Variants in NPAT observed in about 807,000 individuals in gnomAD.
NPAT encodes the protein protein NPAT.
NPAT carries 52 observed loss-of-function variants against 130.7 expected under a neutral mutation model. That is an observed-to-expected ratio of 0.40 (90% CI 0.32 to 0.50). NPAT has a LOEUF of 0.50. NPAT is among the 20% of genes least tolerant of loss of function. The pLI, the probability that NPAT is intolerant of heterozygous loss-of-function variation, is 0.68. For synonymous variants in NPAT, 580 were observed against 584.8 expected (o/e 0.99, Z 0.12); for missense variants, 1,687 against 1,662.6 (o/e 1.01, Z -0.26).
chr11:108,208,938 A>C (rs1273470661), intron 1 of NPAT, among the ~76,000 whole-genome samples: 1 of 152,242 alleles, frequency 6.6e-6, no homozygotes, highest in African/African-American at 2.4e-5. Flanking sequence ...TATGAGATGC[A>C]ACTAAAGCAG....
intron 1 of NPAT, among the ~76,000 whole-genome samples, chr11:108,219,802 G>A (rs2078467108): frequency 6.6e-6 from 1 of 152,144 alleles, no homozygotes; most frequent in Non-Finnish European, 1.5e-5. Context: ...ATTTTTAAGT[G>A]TTGAATTTTG....
rs1414685157 is a variant in NPAT, at chr11:108,173,102, A to T, written c.1882T>A (p.Ser628Thr). The T allele has an allele frequency of 6.2e-7, 1 of 1,614,090 alleles. No individual in the cohort carries two copies. The highest frequency in any genetic ancestry group is 1.7e-5 in the Admixed American group (1 of 60,030). Residue 628 changes from serine (S) to threonine (T), a missense_variant, in exon 13 of 18, where the codon TCG (serine) becomes ACG (threonine). Coordinates refer to ENST00000278612, the MANE Select transcript of NPAT (RefSeq NM_002519.3). Reference protein sequence around the residue: ...SGQVEIHLGDSLSSTKQPSND... With the variant: ...SGQVEIHLGDTLSSTKQPSND... Reference sequence around the variant, plus strand: ...GATGGTTGTTTAGTAGAAGACAGCGAATCTCCAAGATGAATTTCTACTTGT... The same window carrying T: ...GATGGTTGTTTAGTAGAAGACAGCGTATCTCCAAGATGAATTTCTACTTGT...
intron 12 of NPAT, among the ~76,000 whole-genome samples, chr11:108,175,977 A>C (rs1178880502): frequency 6.6e-6 from 1 of 152,178 alleles, no homozygotes; most frequent in Non-Finnish European, 1.5e-5. Context: ...GTGCCACTGC[A>C]CTCCAGCCTG....
chr11:108,174,718 G>A (rs2077988178), intron 12 of NPAT, among the ~76,000 whole-genome samples: 1 of 151,038 alleles, frequency 6.6e-6, no homozygotes, highest in South Asian at 2.1e-4. Context: ...GGGTTCATGT[G>A]ATTCTCCTGC....
At chr11:108,220,704 A>C (rs2078477464) in intron 1 of NPAT, among the ~76,000 whole-genome samples, 1 of 152,358 alleles carries the variant, frequency 6.6e-6, no homozygotes, top group African/African-American at 2.4e-5. Context: ...CGACAAAAGT[A>C]AGAGCATTAG....
chr11:108,205,073 TACAAAG>T (rs1396735256), intron 1 of NPAT, among the ~76,000 whole-genome samples: 2 of 152,104 alleles, frequency 1.3e-5, no homozygotes, highest in South Asian at 2.1e-4. Context: ...AAACTGAAAA[TACAAAG>T]ACAAACAAAA....
chr11:108,159,472 T>C (rs1383113219), intron 17 of NPAT, among the ~76,000 whole-genome samples: 1 of 152,116 alleles, frequency 6.6e-6, no homozygotes, highest in Non-Finnish European at 1.5e-5. Context: ...AGGCTGAGAC[T>C]CAGAAAGGCT....
intron 1 of NPAT, among the ~76,000 whole-genome samples, chr11:108,201,551 A>AC (rs1222651132): frequency 7.2e-5 from 11 of 152,170 alleles, no homozygotes; most frequent in Non-Finnish European, 1.3e-4. Context: ...CAGCCCAGAA[A>AC]CCTGTAGGTT....
intron 15 of NPAT, among the ~76,000 whole-genome samples, 189 bp downstream of exon 15, chr11:108,169,555 A>G (rs1391625419): frequency 1.3e-5 from 2 of 152,232 alleles, no homozygotes; most frequent in African/African-American, 4.8e-5. Flanking sequence ...TCAACAAAGG[A>G]GACAATTTTC....
At chr11:108,209,711 A>C (rs1400987317) in intron 1 of NPAT, among the ~76,000 whole-genome samples, 1 of 151,980 alleles carries the variant, frequency 6.6e-6, no homozygotes, top group Non-Finnish European at 1.5e-5. Flanking sequence ...AACATGGTGA[A>C]ACCTCCTTTC....
At position 108,157,693 on chromosome 11, in the gene NPAT, A is replaced by G. The variant is rs1042053493; in HGVS notation, c.*1249T>C. 2.6e-5 allele frequency: 4 copies of G among 152,284 alleles called. No homozygotes were observed. Among genetic ancestry groups the G allele is most frequent in the African/African-American group, 9.7e-5 (4 of 41,446 alleles). The allele number at this position is 152,284 out of a possible 1,614,324, so 9.4% of individuals were successfully genotyped here. A position where few individuals can be genotyped will look rare whatever the true frequency, so the allele number is the denominator to read the frequency against. ...ACCTGTAGAAAAAAATCCCTAATAT[A>G]CTGATATTTAATTGAACGGAAAGTA... On this transcript the variant is annotated 3_prime_UTR_variant, in exon 18 of 18. Transcript: ENST00000278612.
At chr11:108,182,374 T>G (rs1173847802) in intron 10 of NPAT, among the ~76,000 whole-genome samples, 2 of 152,220 alleles carry the variant, frequency 1.3e-5, no homozygotes, top group Non-Finnish European at 1.5e-5. Context: ...TTTTACACCT[T>G]ATTATCCTGT....
rs754964526 is a variant in NPAT, at chr11:108,161,038, T to A, written c.4048A>T (p.Thr1350Ser). The A allele has an allele frequency of 2.5e-6, 4 of 1,614,046 alleles. No homozygotes were observed. The highest frequency in any genetic ancestry group is 2.2e-5 in the East Asian group (1 of 44,884). ...TGTTGTGTGTTATCTTTCAGAGGAG[T>A]TGCTGAAGTAGTCCTAGAAATGGCT... is the stretch of plus-strand genomic sequence containing the variant. The part of the protein sequence containing the change: ...RAAISRTTSA[T>S]PLKDNTQQFR... The change falls in exon 17 of 18, where the codon ACT becomes TCT. Residue 1350 changes from threonine to serine, a missense_variant. This residue lies in a region of NPAT where 1,379 missense variants were observed against 1,346.6 expected (regional missense o/e 1.02). Transcript: ENST00000278612.
chr11:108,160,147 C>CA (rs777274843), intron 17 of NPAT, among the ~76,000 whole-genome samples: 15,979 of 99,996 alleles, frequency 0.16, 1,058 homozygotes, highest in Non-Finnish European at 0.19. Flanking sequence ...GACTCTGTCT[C>CA]AAAAAAAAAA....
At position 108,172,693 on chromosome 11, in the gene NPAT, T is replaced by C. The variant is rs201716492; in HGVS notation, c.2291A>G (p.Asn764Ser). Residue 764 changes from asparagine to serine, a missense_variant, in exon 13 of 18, where the codon AAT becomes AGT. Coordinates refer to ENST00000278612, the MANE Select transcript of NPAT (RefSeq NM_002519.3). Reference sequence around the variant, plus strand: ...GATTATAGTTGGCAGGTTTTCTCCATTAATACTAGAAACAGCACTGGTAAG... The same window carrying C: ...GATTATAGTTGGCAGGTTTTCTCCACTAATACTAGAAACAGCACTGGTAAG... Reference protein sequence around the residue: ...TELTSAVSSINGENLPTIILS... With the variant: ...TELTSAVSSISGENLPTIILS... 19 of 1,613,848 alleles carry C rather than the reference T, an allele frequency of 1.2e-5. No homozygotes were observed. Among genetic ancestry groups the C allele is most frequent in the Non-Finnish European group, 1.5e-5 (18 of 1,180,006 alleles).
chr11:108,174,207 CTTTAA>C (rs778124132), intron 12 of NPAT, among the ~76,000 whole-genome samples: 3 of 152,174 alleles, frequency 2.0e-5, no homozygotes, highest in African/African-American at 4.8e-5. Context: ...TTTCTTCTGA[CTTTAA>C]TTTATCTACT....
intron 1 of NPAT, among the ~76,000 whole-genome samples, chr11:108,213,345 G>A (rs2078402537): frequency 6.6e-6 from 1 of 152,124 alleles, no homozygotes. Flanking sequence ...AGGATACACA[G>A]TGAATATATA....
chr11:108,167,045 T>C (rs1365585264), intron 15 of NPAT, among the ~76,000 whole-genome samples: 4 of 152,236 alleles, frequency 2.6e-5, no homozygotes, highest in African/African-American at 4.8e-5. Flanking sequence ...TAACACTTAA[T>C]AGGTGTTTAT....
intron 15 of NPAT, among the ~76,000 whole-genome samples, chr11:108,167,651 C>A (rs2077913581): frequency 6.6e-6 from 1 of 152,224 alleles, no homozygotes; most frequent in Non-Finnish European, 1.5e-5. Flanking sequence ...GAAACACTGG[C>A]TTATTACATA....
Sources: allele counts gnomAD v4.1 joint callset (sites outside exome capture counted in the v4.1 genomes callset), GRCh38; gene constraint gnomAD v4.1.1; regional missense constraint gnomAD v4.1.1; transcripts MANE v1.5; gene names NCBI Gene and HGNC (gene_info 2026-07-23, HGNC 2026-07-21).